Variants in TJP1 observed in about 807,000 individuals in gnomAD.
TJP1 encodes tight junction protein 1.
A neutral mutation model predicts 194.2 loss-of-function variants in TJP1; 43 were observed. That is an observed-to-expected ratio of 0.22 (90% confidence interval 0.17 to 0.29). The LOEUF (loss-of-function observed/expected upper bound fraction) is 0.29. Among genes scored for constraint, TJP1 ranks in the 10% least tolerant of loss-of-function variants. The probability of loss-of-function intolerance (pLI) is 1.00; values close to 1 mark genes in which losing one functional copy is unlikely to be tolerated. For synonymous variants in TJP1, 801 were observed against 779.0 expected, an observed-to-expected ratio of 1.03 and a Z score of -0.47; for missense variants, 1,971 against 2,185.7, an observed-to-expected ratio of 0.90 and a Z score of 1.96.
At chr15:29,734,457 T>A in intron 11 of TJP1, 75 bp from the exon 12 acceptor site, 2 of 1,038,900 alleles carry the variant, frequency 1.9e-6, no homozygotes, top group Non-Finnish European at 2.9e-6. Context: ...ACACAGATAC[T>A]CTCAGTCTAC....
At chr15:29,805,098 G>T (rs1326330584) in intron 1 of TJP1, among the ~76,000 whole-genome samples, 1 of 152,210 alleles carries the variant, frequency 6.6e-6, no homozygotes, top group East Asian at 1.9e-4. Context: ...AAAAGTGACT[G>T]CAATTCATGG....
chr15:29,968,360 C>CG, intron 1 of TJP1: 1 of 985,372 alleles, frequency 1.0e-6, no homozygotes, highest in Non-Finnish European at 1.2e-6. Context: ...CAGACAGAGG[C>CG]GGGAGGCCGA....
chr15:29,763,609 T>C (rs1252789638), intron 5 of TJP1, among the ~76,000 whole-genome samples: 3 of 151,358 alleles, frequency 2.0e-5, no homozygotes, highest in Non-Finnish European at 4.4e-5. Context: ...CTATTAAAAA[T>C]ACAAAAAATT....
In TJP1 at chr15:29,833,881, A is replaced by AT. The variant is rs10650949; in HGVS notation, c.307-33180dup. On this transcript the variant is annotated intron_variant, in intron 2 of 28. Coordinates refer to the TJP1 transcript ENST00000356107. ...AGTATATATATATATATATATATAT[A>AT]TTTTTTTTTTTTTTTTTTTTGAGAC... Among the ~76,000 whole-genome samples, 58 of 12,622 alleles carry AT rather than the reference A, an allele frequency of 4.6e-3. 8 individuals carry two copies. Among genetic ancestry groups the AT allele is most frequent in the Admixed American group, 7.8e-3 (6 of 768 alleles). 8.3% of individuals were successfully genotyped at this position (12,622 alleles called of 152,430 possible). A position where few individuals can be genotyped will look rare whatever the true frequency, so the allele number is the denominator to read the frequency against.
At chr15:29,904,720 A>AT (rs2053750758) in intron 2 of TJP1, among the ~76,000 whole-genome samples, 1 of 152,250 alleles carries the variant, frequency 6.6e-6, no homozygotes, top group South Asian at 2.1e-4. Flanking sequence ...ATTCCTCAAA[A>AT]TTCATGTCTA....
intron 2 of TJP1, among the ~76,000 whole-genome samples, chr15:29,946,942 A>G (rs1346923989): frequency 6.6e-6 from 1 of 152,236 alleles, no homozygotes; most frequent in Admixed American, 6.5e-5. Flanking sequence ...TGTCCTAGAT[A>G]GACAAGTTTT....
At chr15:29,945,515 T>C (rs2055245526) in intron 2 of TJP1, among the ~76,000 whole-genome samples, 1 of 152,116 alleles carries the variant, frequency 6.6e-6, no homozygotes, top group African/African-American at 2.4e-5. Context: ...TTGCCAAGAA[T>C]TCCCCCAAAG....
At chr15:29,961,941 T>C (rs905919374) in intron 1 of TJP1, among the ~76,000 whole-genome samples, 5 of 152,310 alleles carry the variant, frequency 3.3e-5, no homozygotes, top group African/African-American at 9.6e-5. Context: ...TTAGTTCTTG[T>C]TCCTTGAATG....
At chr15:29,753,483 CAAAAAAAAAAAAAAA>C (rs34221786) in intron 8 of TJP1, among the ~76,000 whole-genome samples, 1 of 47,944 alleles carries the variant, frequency 2.1e-5, no homozygotes, top group African/African-American at 7.8e-5. Context: ...GACTCTGTGT[CAAAAAAAAAAAAAAA>C]AAAAAAAAAA....
chr15:29,916,923 T>A (rs1172031506), intron 2 of TJP1, among the ~76,000 whole-genome samples: 1 of 152,198 alleles, frequency 6.6e-6, no homozygotes, highest in Non-Finnish European at 1.5e-5. Flanking sequence ...CTCTTCCACC[T>A]GCCAATACAC....
chr15:29,949,254 C>T (rs1193095298), intron 2 of TJP1, among the ~76,000 whole-genome samples: 3 of 118,640 alleles, frequency 2.5e-5, no homozygotes, highest in African/African-American at 1.2e-4. Context: ...TTCACCACCA[C>T]CTCCACCACC....
chr15:29,899,518 G>C (rs186754257), intron 2 of TJP1, among the ~76,000 whole-genome samples: 144 of 152,286 alleles, frequency 9.5e-4, no homozygotes, highest in African/African-American at 3.3e-3. Flanking sequence ...GAAAGGGGCA[G>C]GGGCTGGCTG....
chr15:29,846,841 G>T (rs2051430525), intron 2 of TJP1, among the ~76,000 whole-genome samples: 1 of 151,984 alleles, frequency 6.6e-6, no homozygotes, highest in African/African-American at 2.4e-5. Context: ...CAGGAGAATG[G>T]TGTGAACCTG....
intron 2 of TJP1, among the ~76,000 whole-genome samples, chr15:29,915,068 C>T (rs946446935): frequency 3.3e-5 from 5 of 152,040 alleles, no homozygotes; most frequent in Non-Finnish European, 5.9e-5. Flanking sequence ...AAAAATGCTG[C>T]CAAATCAGGT....
intron 2 of TJP1, among the ~76,000 whole-genome samples, chr15:29,836,584 T>G (rs917087148): frequency 6.6e-6 from 1 of 152,132 alleles, no homozygotes; most frequent in African/African-American, 2.4e-5. Flanking sequence ...TGATCAACTT[T>G]TAAAGAGTCA....
At chr15:29,809,811 A>G (rs1163622371) in intron 1 of TJP1, among the ~76,000 whole-genome samples, 1 of 151,678 alleles carries the variant, frequency 6.6e-6, no homozygotes. Context: ...ATGCCATTGC[A>G]CTCCAGCCTG....
intron 1 of TJP1, among the ~76,000 whole-genome samples, chr15:29,818,260 C>T (rs1596016921): frequency 1.3e-5 from 2 of 152,190 alleles, no homozygotes; most frequent in Admixed American, 1.3e-4. Context: ...CAAAGGAAAA[C>T]AGCTTGAAAA....
intron 2 of TJP1, among the ~76,000 whole-genome samples, chr15:29,942,873 A>C (rs968150107): frequency 3.9e-5 from 6 of 152,190 alleles, no homozygotes; most frequent in Non-Finnish European, 7.3e-5. Context: ...CCAACTCCCA[A>C]GTCATTTTTC....
intron 2 of TJP1, among the ~76,000 whole-genome samples, chr15:29,932,766 A>T (rs2054761330): frequency 6.6e-6 from 1 of 152,170 alleles, no homozygotes; most frequent in Admixed American, 6.5e-5. Context: ...CTCTCCAAAC[A>T]ACTATTTTCA....
Sources: allele counts gnomAD v4.1 joint callset (sites outside exome capture counted in the v4.1 genomes callset), GRCh38; gene constraint gnomAD v4.1.1; transcripts MANE v1.5; gene names NCBI Gene and HGNC (gene_info 2026-07-23, HGNC 2026-07-21).